Variants in KCNMA1 observed in about 807,000 individuals in gnomAD.
KCNMA1 encodes the protein potassium calcium-activated channel subfamily M alpha 1, also known as Calcium-activated potassium channel subunit alpha-1.
KCNMA1 carries 29 observed loss-of-function variants against 140.0 expected under a neutral mutation model. The ratio of observed to expected loss-of-function variants is 0.21; its 90% CI spans 0.15 to 0.28. KCNMA1 has a LOEUF of 0.28. Ranked by LOEUF, KCNMA1 falls within the 10% of genes least tolerant of loss-of-function variation. The pLI is 1.00. For missense variants in KCNMA1, 880 were observed against 1,602.2 expected (o/e 0.55, Z 7.70); for synonymous variants, 612 against 611.9 (o/e 1.00, Z 0.00).
intron 20 of KCNMA1, among the ~76,000 whole-genome samples, chr10:76,965,380 G>C (rs902298156): frequency 1.3e-5 from 2 of 152,110 alleles, no homozygotes; most frequent in Non-Finnish European, 2.9e-5. Context: ...GGGTTGAGTG[G>C]GCCTTCTATT....
At chr10:77,034,764 T>C (rs1229998209) in intron 15 of KCNMA1, among the ~76,000 whole-genome samples, 2 of 152,192 alleles carry the variant, frequency 1.3e-5, no homozygotes, top group Admixed American at 1.3e-4. Flanking sequence ...GAATTTTAAC[T>C]GCTCCATCAG....
At chr10:76,917,760 C>A (rs1025767139) in intron 23 of KCNMA1, among the ~76,000 whole-genome samples, 1 of 152,172 alleles carries the variant, frequency 6.6e-6, no homozygotes, top group Non-Finnish European at 1.5e-5. Context: ...CAAAAGGCAA[C>A]AATAACAGCA....
intron 1 of KCNMA1, among the ~76,000 whole-genome samples, chr10:77,573,653 GAATAGAATAGAATA>G (rs2072791558): frequency 4.8e-5 from 2 of 41,614 alleles, no homozygotes; most frequent in Admixed American, 5.7e-4. Flanking sequence ...GAATAGAATA[GAATAGAATAGAATA>G]GAATAGAATA....
chr10:77,358,160 C>T (rs529594450), intron 2 of KCNMA1, among the ~76,000 whole-genome samples: 4 of 152,122 alleles, frequency 2.6e-5, no homozygotes, highest in East Asian at 1.9e-4. Flanking sequence ...CGTCCCACCC[C>T]CAAGACTCCT....
At chr10:77,280,499 T>C (rs535550622) in intron 2 of KCNMA1, among the ~76,000 whole-genome samples, 1 of 152,270 alleles carries the variant, frequency 6.6e-6, no homozygotes, top group Non-Finnish European at 1.5e-5. Flanking sequence ...TGTCTGTTCT[T>C]TTCTTTTTTG....
intron 3 of KCNMA1, among the ~76,000 whole-genome samples, chr10:77,196,038 A>G (rs761902118): frequency 2.6e-5 from 4 of 152,216 alleles, no homozygotes; most frequent in Admixed American, 6.5e-5. Context: ...AAATATGATG[A>G]ATTACCTGCT....
intron 5 of KCNMA1, among the ~76,000 whole-genome samples, chr10:77,152,534 A>G (rs1169275810): frequency 2.0e-5 from 3 of 152,046 alleles, no homozygotes; most frequent in African/African-American, 7.2e-5. Context: ...CCACTGGGGT[A>G]CTCTGGCAGC....
chr10:77,526,735 A>G (rs549897799), intron 1 of KCNMA1, among the ~76,000 whole-genome samples: 9 of 152,118 alleles, frequency 5.9e-5, no homozygotes, highest in African/African-American at 1.9e-4. Flanking sequence ...ATTTTTTTCT[A>G]CCTGTGAATG....
intron 2 of KCNMA1, among the ~76,000 whole-genome samples, chr10:77,306,913 T>C (rs2077903361): frequency 1.3e-5 from 2 of 152,204 alleles, no homozygotes; most frequent in Non-Finnish European, 2.9e-5. Context: ...TTGCAAATGC[T>C]TTGAATCCAA....
At chr10:77,525,719 G>A (rs942113746) in intron 1 of KCNMA1, among the ~76,000 whole-genome samples, 2 of 152,204 alleles carry the variant, frequency 1.3e-5, no homozygotes, top group Admixed American at 1.3e-4. Context: ...GTGATGCCAT[G>A]TGCACCCCAG....
At chr10:77,395,288 T>C (rs776150748) in intron 2 of KCNMA1, among the ~76,000 whole-genome samples, 2 of 152,044 alleles carry the variant, frequency 1.3e-5, no homozygotes, top group Admixed American at 6.6e-5. Flanking sequence ...AGTTTGAGGT[T>C]GCAGGGAGCT....
intron 3 of KCNMA1, among the ~76,000 whole-genome samples, chr10:77,197,092 A>T (rs1041526462): frequency 6.6e-6 from 1 of 152,250 alleles, no homozygotes; most frequent in Non-Finnish European, 1.5e-5. Flanking sequence ...TGTTGAATGC[A>T]GTGCCAACAT....
At chr10:77,215,210 T>G (rs2047322118) in intron 3 of KCNMA1, among the ~76,000 whole-genome samples, 3 of 152,100 alleles carry the variant, frequency 2.0e-5, no homozygotes, top group Admixed American at 2.0e-4. Flanking sequence ...TGATTCCTCC[T>G]TCCATTCACT....
intron 6 of KCNMA1, among the ~76,000 whole-genome samples, chr10:77,115,827 C>T (rs1419270046): frequency 5.3e-5 from 8 of 152,106 alleles, no homozygotes; most frequent in Admixed American, 1.3e-4. Flanking sequence ...ATCACAGATC[C>T]CTAGGTTTAG....
At chr10:77,566,890 G>A (rs570231697) in intron 1 of KCNMA1, among the ~76,000 whole-genome samples, 9 of 151,940 alleles carry the variant, frequency 5.9e-5, no homozygotes, top group Admixed American at 2.6e-4. Flanking sequence ...AGCAAAAGAA[G>A]GAAAAGGTGG....
At chr10:77,072,665 T>C (rs2096256971) in intron 14 of KCNMA1, among the ~76,000 whole-genome samples, 1 of 152,160 alleles carries the variant, frequency 6.6e-6, no homozygotes, top group Non-Finnish European at 1.5e-5. Flanking sequence ...ATTATGCTGT[T>C]GGGGTTTGGG....
chr10:77,590,209 G>A (rs1292553965), intron 1 of KCNMA1, among the ~76,000 whole-genome samples: 1 of 152,266 alleles, frequency 6.6e-6, no homozygotes, highest in Non-Finnish European at 1.5e-5. Context: ...CAGGAGCCCA[G>A]CTGGCTTCAC....
chr10:77,426,301 CT>C (rs11287601), intron 1 of KCNMA1, among the ~76,000 whole-genome samples: 1,881 of 152,126 alleles, frequency 0.012, 47 homozygotes, highest in African/African-American at 0.042. Flanking sequence ...GCTTATATGA[CT>C]TTTTTTTGTA....
chr10:77,156,592 C>T (rs2098486972), intron 5 of KCNMA1, among the ~76,000 whole-genome samples: 1 of 152,172 alleles, frequency 6.6e-6, no homozygotes, highest in African/African-American at 2.4e-5. Flanking sequence ...TAACGAAAGG[C>T]CATAAGGTTA....
Sources: gnomAD v4.1 joint callset for allele counts (sites outside exome capture counted in the v4.1 genomes callset) on GRCh38, gnomAD v4.1.1 for gene constraint, MANE v1.5 for transcripts, NCBI Gene and HGNC (gene_info 2026-07-23, HGNC 2026-07-21) for gene names.